Variants in LRMDA observed in about 807,000 individuals in gnomAD.
The protein encoded by LRMDA is leucine-rich melanocyte differentiation-associated protein.
LRMDA carries 18 observed loss-of-function variants against 29.8 expected under a neutral mutation model. The ratio of observed to expected loss-of-function variants is 0.60; its 90% CI spans 0.42 to 0.90. The LOEUF (loss-of-function observed/expected upper bound fraction) is 0.90. Among genes scored for constraint, LRMDA ranks in the 40% least tolerant of loss-of-function variants. The pLI is 0.00. For synonymous variants in LRMDA, 125 were observed against 109.4 expected (o/e 1.14, Z -0.89); for missense variants, 273 against 273.9 (o/e 1.00, Z 0.02).
At chr10:76,177,936 A>G (rs1850970967) in intron 5 of LRMDA, among the ~76,000 whole-genome samples, 1 of 152,216 alleles carries the variant, frequency 6.6e-6, no homozygotes, top group African/African-American at 2.4e-5. Context: ...CCTGCTTTAT[A>G]GAGCCCCCAG....
intron 2 of LRMDA, among the ~76,000 whole-genome samples, chr10:75,678,452 G>T (rs1841986964): frequency 6.6e-6 from 1 of 152,156 alleles, no homozygotes; most frequent in Non-Finnish European, 1.5e-5. Flanking sequence ...TTTCTACTGA[G>T]ATATTGAAGC....
At chr10:76,072,283 C>A (rs905104658) in intron 5 of LRMDA, among the ~76,000 whole-genome samples, 2 of 152,102 alleles carry the variant, frequency 1.3e-5, no homozygotes, top group African/African-American at 4.8e-5. Flanking sequence ...GGGCTCTAAT[C>A]CCTCTCCACC....
Position 76,521,227 on chromosome 10 carries a change from G to A in LRMDA, c.602-35982G>A, listed in dbSNP as rs567068294. ...CGGCTCACTGCAAGCTCCACCTCCC[G>A]GGTTCATGCCATTCTCCTGCCTCAG... On this transcript the variant is annotated intron_variant, in intron 6 of 6. Coordinates refer to ENST00000611255, the MANE Select transcript of LRMDA (RefSeq NM_001305581.2). 7.1e-3 allele frequency among the ~76,000 whole-genome samples: 1,066 copies of A among 150,962 alleles called. 6 individuals carry two copies. The highest frequency in any genetic ancestry group is 0.01 in the Non-Finnish European group (695 of 67,858).
At chr10:76,098,877 G>A (rs1564652408) in intron 5 of LRMDA, among the ~76,000 whole-genome samples, 1 of 152,290 alleles carries the variant, frequency 6.6e-6, no homozygotes, top group African/African-American at 2.4e-5. Flanking sequence ...TGATTGGTCA[G>A]GTTGGAGATG....
intron 5 of LRMDA, among the ~76,000 whole-genome samples, chr10:76,207,438 G>A (rs1426179257): frequency 6.6e-6 from 1 of 152,174 alleles, no homozygotes; most frequent in Non-Finnish European, 1.5e-5. Context: ...CTGCCATTTT[G>A]CCTTTAACTT....
At chr10:76,071,749 T>C (rs1428134832) in intron 5 of LRMDA, among the ~76,000 whole-genome samples, 2 of 152,234 alleles carry the variant, frequency 1.3e-5, no homozygotes, top group Non-Finnish European at 2.9e-5. Flanking sequence ...AGAAATAATA[T>C]GCTTTGAAAG....
At chr10:76,476,693 T>G (rs1291889875) in intron 6 of LRMDA, among the ~76,000 whole-genome samples, 1 of 152,126 alleles carries the variant, frequency 6.6e-6, no homozygotes, top group Non-Finnish European at 1.5e-5. Context: ...ATCAAAAACC[T>G]TATCCACCAT....
chr10:76,197,814 G>A (rs556745713), intron 5 of LRMDA, among the ~76,000 whole-genome samples: 11 of 152,114 alleles, frequency 7.2e-5, no homozygotes, highest in African/African-American at 2.4e-4. Context: ...CAGCTACTCG[G>A]GAGTCTGAGG....
intron 2 of LRMDA, among the ~76,000 whole-genome samples, chr10:75,999,748 C>A (rs913169027): frequency 6.6e-6 from 1 of 152,214 alleles, no homozygotes; most frequent in African/African-American, 2.4e-5. Context: ...AAATTCATTT[C>A]TATCTACATT....
chr10:76,119,807 A>G (rs1423509943), intron 5 of LRMDA, among the ~76,000 whole-genome samples: 1 of 152,178 alleles, frequency 6.6e-6, no homozygotes. Context: ...ATAATTCGTC[A>G]TGGCTTTGGC....
At chr10:75,619,445 A>G (rs537985867) in intron 2 of LRMDA, among the ~76,000 whole-genome samples, 30 of 152,320 alleles carry the variant, frequency 2.0e-4, no homozygotes, top group African/African-American at 7.2e-4. Context: ...TTTGCAGTAC[A>G]CACTGCTGAT....
intron 2 of LRMDA, among the ~76,000 whole-genome samples, chr10:75,557,539 A>G (rs1417727573): frequency 6.6e-6 from 1 of 152,144 alleles, no homozygotes; most frequent in Non-Finnish European, 1.5e-5. Context: ...TATGGGCAAG[A>G]TAAAGGGAAA....
chr10:75,530,418 G>A (rs1845463489), intron 2 of LRMDA, among the ~76,000 whole-genome samples: 1 of 152,146 alleles, frequency 6.6e-6, no homozygotes, highest in Non-Finnish European at 1.5e-5. Context: ...AATGCATGGA[G>A]CACCTTGGGT....
At chr10:75,958,540 G>A (rs926391733) in intron 2 of LRMDA, among the ~76,000 whole-genome samples, 1 of 150,994 alleles carries the variant, frequency 6.6e-6, no homozygotes, top group Non-Finnish European at 1.5e-5. Flanking sequence ...GTCCTGGCCT[G>A]GAGCATCCCC....
At chr10:75,589,686 C>T (rs1840697585) in intron 2 of LRMDA, among the ~76,000 whole-genome samples, 1 of 151,868 alleles carries the variant, frequency 6.6e-6, no homozygotes, top group Non-Finnish European at 1.5e-5. Context: ...ATCTCTTGAG[C>T]CCAGGAGGCA....
chr10:76,124,578 C>G (rs1849846493), intron 5 of LRMDA, among the ~76,000 whole-genome samples: 1 of 152,238 alleles, frequency 6.6e-6, no homozygotes, highest in Admixed American at 6.5e-5. Flanking sequence ...GAATCCTGGT[C>G]TTCCTGGCAG....
intron 5 of LRMDA, among the ~76,000 whole-genome samples, chr10:76,098,681 A>G (rs1423829082): frequency 6.6e-6 from 1 of 152,118 alleles, no homozygotes; most frequent in Non-Finnish European, 1.5e-5. Flanking sequence ...GGTTCACCTT[A>G]CCTGTTGCCT....
chr10:76,336,020 T>C lies in LRMDA; in HGVS notation c.601+11535T>C, dbSNP rs77653329. On this transcript the variant is annotated intron_variant, in intron 6 of 6. Transcript: ENST00000611255. ...GCCAACAGGAGGGAGTCTATTAAGA[T>C]AGTTGAGGGAGGCTTAGAATTTTAT... 6.3e-3 allele frequency among the ~76,000 whole-genome samples: 917 copies of C among 144,728 alleles called. 6 individuals carry two copies. Among genetic ancestry groups the C allele is most frequent in the African/African-American group, 0.023 (862 of 37,100 alleles). The allele number at this position is 144,728 out of a possible 152,430, so 94.9% of individuals were successfully genotyped here.
intron 2 of LRMDA, among the ~76,000 whole-genome samples, chr10:75,741,663 C>G (rs540866211): frequency 6.6e-6 from 1 of 152,132 alleles, no homozygotes; most frequent in Non-Finnish European, 1.5e-5. Context: ...TTCAGAGCAA[C>G]CGCGTTCTTA....
Sources: allele counts gnomAD v4.1 joint callset (sites outside exome capture counted in the v4.1 genomes callset), GRCh38; gene constraint gnomAD v4.1.1; transcripts MANE v1.5; gene names NCBI Gene and HGNC (gene_info 2026-07-23, HGNC 2026-07-21).